Variants in CHSY3 observed in about 807,000 individuals in gnomAD.
CHSY3 encodes chondroitin sulfate synthase 3.
CHSY3 carries 35 observed loss-of-function variants against 67.2 expected under a neutral mutation model. The observed-to-expected ratio is 0.52, with a 90% confidence interval of 0.40 to 0.69. The LOEUF (loss-of-function observed/expected upper bound fraction) is 0.69, where lower values mean the gene tolerates loss of function less well. Among genes scored for constraint, CHSY3 ranks in the 30% least tolerant of loss-of-function variants. The pLI, the probability that CHSY3 is intolerant of heterozygous loss-of-function variation, is 0.00. For missense variants in CHSY3, 1,069 were observed against 1,138.5 expected, an observed-to-expected ratio of 0.94 and a Z score of 0.88; for synonymous variants, 474 against 434.7, an observed-to-expected ratio of 1.09 and a Z score of -1.12.
chr5:130,100,504 C>A (rs1360675120), intron 2 of CHSY3, among the ~76,000 whole-genome samples: 3 of 152,150 alleles, frequency 2.0e-5, no homozygotes, highest in Non-Finnish European at 4.4e-5. Context: ...GATGCTCATA[C>A]ACACCTATTT....
At chr5:130,111,763 AT>A (rs892801451) in intron 2 of CHSY3, among the ~76,000 whole-genome samples, 37 of 150,796 alleles carry the variant, frequency 2.5e-4, no homozygotes, top group East Asian at 3.9e-4. Context: ...GGTTAAAGTG[AT>A]TTTTTTTTTC....
chr5:129,910,559 A>G (rs1467786590), intron 2 of CHSY3, among the ~76,000 whole-genome samples: 1 of 152,052 alleles, frequency 6.6e-6, no homozygotes, highest in Non-Finnish European at 1.5e-5. Flanking sequence ...TTTTATTACC[A>G]AGAGATATGT....
At position 130,123,759 on chromosome 5, in the gene CHSY3, A is replaced by T. The variant is rs7712694; in HGVS notation, c.1087-60470A>T. ...ACAGAGACAGTGATGACAAAATATAAAGAAGTAAACAGTTCTGGCCAGGCG... is the reference window on the plus strand; with the variant it reads ...ACAGAGACAGTGATGACAAAATATATAGAAGTAAACAGTTCTGGCCAGGCG... On this transcript the variant is annotated intron_variant, in intron 2 of 2. Coordinates refer to ENST00000305031, the MANE Select transcript of CHSY3 (RefSeq NM_175856.5). 4.9e-3 allele frequency among the ~76,000 whole-genome samples: 742 copies of T among 152,260 alleles called. 8 individuals carry two copies. The highest frequency in any genetic ancestry group is 0.017 in the African/African-American group (712 of 41,540).
intron 2 of CHSY3, among the ~76,000 whole-genome samples, chr5:129,984,636 C>T (rs1360008397): frequency 6.6e-6 from 1 of 152,118 alleles, no homozygotes; most frequent in Non-Finnish European, 1.5e-5. Context: ...ATTTACATTA[C>T]CCCAGAACTG....
intron 2 of CHSY3, among the ~76,000 whole-genome samples, chr5:129,956,837 AC>A (rs1427959425): frequency 6.6e-6 from 1 of 151,734 alleles, no homozygotes; most frequent in East Asian, 1.9e-4. Context: ...TTGTTTTTGT[AC>A]CAGTACCATG....
chr5:130,075,862 T>A (rs566298713), intron 2 of CHSY3, among the ~76,000 whole-genome samples: 1 of 152,290 alleles, frequency 6.6e-6, no homozygotes, highest in East Asian at 1.9e-4. Flanking sequence ...TCAAATTCAA[T>A]GATGTACCAG....
In CHSY3 at chr5:129,911,806, C is replaced by T. The variant is rs973817208; in HGVS notation, c.1086+3446C>T. Among the ~76,000 whole-genome samples the T allele has an allele frequency of 1.3e-3, 193 of 152,272 alleles. 3 individuals carry two copies. Among genetic ancestry groups the T allele is most frequent in the Middle Eastern group, 6.8e-3 (2 of 294 alleles). On this transcript the variant is annotated intron_variant, in intron 2 of 2. Transcript: ENST00000305031. ...GCGCAGTGGCTCATGCCTGTAATCC[C>T]AGCACTTTGGGAGGCTGACGCGGGC...
chr5:129,905,381 G>A lies in CHSY3; in HGVS notation c.552G>A (p.Leu184=). 6.3e-7 allele frequency: 1 copy of A among 1,596,710 alleles called. No individual in the cohort carries two copies. Among genetic ancestry groups the A allele is most frequent in the Non-Finnish European group, 8.5e-7 (1 of 1,173,606 alleles). The change falls in exon 1 of 3, where the codon CTG becomes CTA. Residue 184 remains leucine, a synonymous_variant. Coordinates refer to ENST00000305031, the MANE Select transcript of CHSY3 (RefSeq NM_175856.5). ...YVGVMTAQKY[L]GSRALAAQRT... is the part of the protein sequence containing the mutation. ...GGGTGATGACCGCGCAGAAGTACCT[G>A]GGCAGCCGCGCGCTGGCCGCGCAGC...
intron 2 of CHSY3, among the ~76,000 whole-genome samples, chr5:130,155,004 T>TG (rs1317661891): frequency 6.6e-6 from 1 of 152,196 alleles, no homozygotes; most frequent in African/African-American, 2.4e-5. Context: ...ATGACCATAT[T>TG]GACACCTCGA....
chr5:129,908,322 C>T lies in CHSY3; in HGVS notation c.1048C>T (p.Arg350Cys), dbSNP rs777729488. ...HEDVEVGRCV[R>C]RFGGTQCVWS... ...GGATGTGGAAGTAGGAAGATGCGTTCGCCGTTTTGGTGGGACTCAGTGTGT... is the reference window on the plus strand; with the variant it reads ...GGATGTGGAAGTAGGAAGATGCGTTTGCCGTTTTGGTGGGACTCAGTGTGT... The change falls in exon 2 of 3, where the codon CGC becomes TGC. Residue 350 changes from arginine to cysteine, a missense_variant. Transcript: ENST00000305031. 9.3e-6 allele frequency: 15 copies of T among 1,613,952 alleles called. No individual in the cohort carries two copies. Among genetic ancestry groups the T allele is most frequent in the Non-Finnish European group, 1.3e-5 (15 of 1,179,896 alleles).
intron 2 of CHSY3, among the ~76,000 whole-genome samples, chr5:130,142,414 A>G (rs927889936): frequency 2.6e-5 from 4 of 152,206 alleles, no homozygotes; most frequent in African/African-American, 9.6e-5. Context: ...CCTTTTGTTC[A>G]TAATTTTTCT....
intron 2 of CHSY3, among the ~76,000 whole-genome samples, chr5:129,995,198 A>G (rs953438303): frequency 6.6e-6 from 1 of 152,150 alleles, no homozygotes; most frequent in East Asian, 1.9e-4. Flanking sequence ...GTTATTAAAC[A>G]TAGTTTTATG....
intron 2 of CHSY3, among the ~76,000 whole-genome samples, chr5:129,943,773 A>C (rs575514742): frequency 1.3e-5 from 2 of 152,380 alleles, no homozygotes; most frequent in East Asian, 3.9e-4. Context: ...ACATATAGAT[A>C]GTATTAAAGA....
intron 2 of CHSY3, among the ~76,000 whole-genome samples, chr5:130,105,997 GT>G (rs1767404306): frequency 6.6e-6 from 1 of 151,400 alleles, no homozygotes; most frequent in South Asian, 2.1e-4. Context: ...CAGGGTTTTG[GT>G]TTTTGTTTCA....
chr5:129,912,423 C>T (rs1476726826), intron 2 of CHSY3, among the ~76,000 whole-genome samples: 1 of 152,072 alleles, frequency 6.6e-6, no homozygotes, highest in Non-Finnish European at 1.5e-5. Context: ...CAGTGGGAAC[C>T]TCCTCCTGGT....
chr5:130,162,147 C>G (rs928887488), intron 2 of CHSY3, among the ~76,000 whole-genome samples: 1 of 151,350 alleles, frequency 6.6e-6, no homozygotes, highest in African/African-American at 2.4e-5. Context: ...CTCAATAAAC[C>G]GTTTACCTAT....
intron 2 of CHSY3, among the ~76,000 whole-genome samples, chr5:130,041,282 A>G (rs1378093043): frequency 2.0e-5 from 3 of 152,132 alleles, no homozygotes; most frequent in Non-Finnish European, 4.4e-5. Context: ...CCAAGCAATC[A>G]GGCTGAAGCT....
Position 129,917,664 on chromosome 5 carries a change from C to G in CHSY3, c.1086+9304C>G, listed in dbSNP as rs190830338. On this transcript the variant is annotated intron_variant, in intron 2 of 2. Coordinates refer to ENST00000305031, the MANE Select transcript of CHSY3 (RefSeq NM_175856.5). ...TATAATGTTTATATTATTTGTTCCC[C>G]TCGTGGGAGTGGGATAATGTTGATT... Among the ~76,000 whole-genome samples the G allele has an allele frequency of 2.7e-3, 408 of 152,316 alleles. 1 individual carries two copies. The highest frequency in any genetic ancestry group is 4.2e-3 in the Non-Finnish European group (285 of 68,028).
chr5:130,178,381 T>C (rs1370624803), intron 2 of CHSY3, among the ~76,000 whole-genome samples: 1 of 150,428 alleles, frequency 6.6e-6, no homozygotes, highest in Non-Finnish European at 1.5e-5. Context: ...GCCTCCCTAG[T>C]AGCTGGAACT....
Sources: allele counts gnomAD v4.1 joint callset (sites outside exome capture counted in the v4.1 genomes callset), GRCh38; gene constraint gnomAD v4.1.1; transcripts MANE v1.5; gene names NCBI Gene and HGNC (gene_info 2026-07-23, HGNC 2026-07-21).